ITGA1: variants seen among roughly 807,000 people sequenced by gnomAD.
The protein encoded by ITGA1 is integrin alpha-1.
A neutral mutation model predicts 145.9 loss-of-function variants in ITGA1; 85 were observed. The ratio of observed to expected loss-of-function variants is 0.58; its 90% CI spans 0.49 to 0.70. The LOEUF (loss-of-function observed/expected upper bound fraction) is 0.70. Among genes scored for constraint, ITGA1 ranks in the 30% least tolerant of loss-of-function variants. The pLI, the probability that ITGA1 is intolerant of heterozygous loss-of-function variation, is 0.00. For missense variants in ITGA1, 1,351 were observed against 1,418.7 expected (o/e 0.95, Z 0.77); for synonymous variants, 520 against 495.3 (o/e 1.05, Z -0.66).
At chr5:52,863,913 T>C (rs1365215599) in intron 3 of ITGA1, 2 of 152,254 alleles carry the variant, frequency 1.3e-5, no homozygotes, top group Non-Finnish European at 2.9e-5. Flanking sequence ...ACAAAGGCCA[T>C]TGCGCAGATC....
At chr5:52,829,073 T>C (rs1259667858) in intron 1 of ITGA1, among the ~76,000 whole-genome samples, 1 of 152,202 alleles carries the variant, frequency 6.6e-6, no homozygotes, top group Non-Finnish European at 1.5e-5. Context: ...TAAATACTTC[T>C]GTAAAGAACC....
intron 6 of ITGA1, among the ~76,000 whole-genome samples, chr5:52,872,593 T>TTTTTTC (rs1749794767): frequency 6.7e-6 from 1 of 148,906 alleles, no homozygotes; most frequent in Admixed American, 6.8e-5. Context: ...TTTTTTTTTT[T>TTTTTTC]GTGGGTGGAG....
chr5:52,794,465 A>G (rs1333458998), intron 1 of ITGA1, among the ~76,000 whole-genome samples: 1 of 150,830 alleles, frequency 6.6e-6, no homozygotes, highest in African/African-American at 2.4e-5. Flanking sequence ...TGGTGAAATG[A>G]TCTTATGCCG....
intron 1 of ITGA1, among the ~76,000 whole-genome samples, chr5:52,843,587 C>T (rs1749289307): frequency 6.6e-6 from 1 of 152,206 alleles, no homozygotes; most frequent in Non-Finnish European, 1.5e-5. Context: ...AATCTGTCAA[C>T]AGCCTCTGTC....
chr5:52,829,580 T>C (rs896029000), intron 1 of ITGA1, among the ~76,000 whole-genome samples: 1 of 152,102 alleles, frequency 6.6e-6, no homozygotes, highest in Non-Finnish European at 1.5e-5. Context: ...AGGGGACTTA[T>C]ATAAAAAAGA....
intron 1 of ITGA1, among the ~76,000 whole-genome samples, chr5:52,810,785 CT>C (rs1275514186): frequency 2.6e-5 from 4 of 151,984 alleles, no homozygotes; most frequent in African/African-American, 7.3e-5. Flanking sequence ...CAAATTTTTC[CT>C]GTCTTTCTGG....
intron 1 of ITGA1, among the ~76,000 whole-genome samples, chr5:52,825,495 G>A (rs866728701): frequency 6.6e-6 from 1 of 152,170 alleles, no homozygotes; most frequent in African/African-American, 2.4e-5. Context: ...GTGGTGCCAG[G>A]AACTGTGCCT....
intron 2 of ITGA1, among the ~76,000 whole-genome samples, chr5:52,860,757 T>C (rs959075565): frequency 8.5e-5 from 13 of 152,216 alleles, no homozygotes; most frequent in African/African-American, 3.1e-4. Context: ...GAAGATATCA[T>C]GGGAGACTTA....
At chr5:52,879,699 G>A (rs1749924521) in intron 6 of ITGA1, among the ~76,000 whole-genome samples, 1 of 152,074 alleles carries the variant, frequency 6.6e-6, no homozygotes, top group Non-Finnish European at 1.5e-5. Flanking sequence ...TAATTAGTTG[G>A]CTGTATCCTA....
chr5:52,908,611 T>A (rs533622724), intron 12 of ITGA1, among the ~76,000 whole-genome samples: 2 of 152,354 alleles, frequency 1.3e-5, no homozygotes, highest in East Asian at 3.9e-4. Context: ...TTCTGATTTG[T>A]GGAGAAGAAA....
intron 6 of ITGA1, among the ~76,000 whole-genome samples, chr5:52,875,074 G>C (rs887909765): frequency 6.6e-6 from 1 of 152,154 alleles, no homozygotes; most frequent in African/African-American, 2.4e-5. Flanking sequence ...AGAACAAGTA[G>C]GGATAGGAGT....
Position 52,898,257 on chromosome 5 carries a change from G to A in ITGA1, c.1183G>A (p.Ala395Thr), listed in dbSNP as rs766954523. Residue 395 changes from alanine to threonine, a missense_variant, in exon 11 of 29, where the codon GCA (alanine) becomes ACA (threonine). Coordinates refer to ENST00000282588, the MANE Select transcript of ITGA1 (RefSeq NM_181501.2). ...HYSQDWVMLG[A>T]VGAYDWNGTV... The stretch of plus-strand genomic sequence containing the variant: ...ATGTAAGGACTGGGTCATGCTTGGA[G>A]CAGTAGGAGCCTATGATTGGAATGG... 12 of 1,595,220 alleles carry A rather than the reference G, an allele frequency of 7.5e-6. 1 individual carries two copies. Among genetic ancestry groups the A allele is most frequent in the Middle Eastern group, 1.7e-4 (1 of 5,988 alleles).
At chr5:52,915,082 C>T (rs548549477) in intron 14 of ITGA1, among the ~76,000 whole-genome samples, 1 of 152,284 alleles carries the variant, frequency 6.6e-6, no homozygotes, top group African/African-American at 2.4e-5. Context: ...ACTCCCCTCC[C>T]CCCTTTGCTG....
rs573811011 is a variant in ITGA1 at position 52,922,863 on chromosome 5, T to C, written c.2379T>C (p.Ser793=). 255 of 1,604,752 alleles carry C rather than the reference T, an allele frequency of 1.6e-4. 2 individuals carry two copies. The South Asian group carries it at 2.7e-3, about 17-fold the overall frequency. The change falls in exon 18 of 29, where the codon TCT becomes TCC. Residue 793 remains serine (S), a synonymous_variant. Coordinates refer to ENST00000282588, the MANE Select transcript of ITGA1 (RefSeq NM_181501.2). ...AAAATGGGCCTGTTCTTGATGATTC[T>C]CTACCAAACTCAGTACATGAATATG... ...DPENGPVLDD[S]LPNSVHEYIP...
rs1349349500 is a variant in ITGA1 at position 52,911,942 on chromosome 5, A to ATACTATATATACTATATATAGTGTATC, written c.1857+1541_1857+1567dup. 8.0e-5 allele frequency among the ~76,000 whole-genome samples: 8 copies of ATACTATATATACTATATATAGTGTATC among 100,016 alleles called. 1 individual carries two copies. Among genetic ancestry groups the ATACTATATATACTATATATAGTGTATC allele is most frequent in the African/African-American group, 3.3e-4 (8 of 23,916 alleles). 65.6% of individuals were successfully genotyped at this position (100,016 alleles called of 152,430 possible). A position where few individuals can be genotyped will look rare whatever the true frequency, so the allele number is the denominator to read the frequency against. ...TATATATATAGTGTATCTACTATAT[A>ATACTATATATACTATATATAGTGTATC]TACTATATATACTATATATAGTGTA... On this transcript the variant is annotated intron_variant, in intron 14 of 28. Coordinates refer to ENST00000282588, the MANE Select transcript of ITGA1 (RefSeq NM_181501.2).
intron 19 of ITGA1, among the ~76,000 whole-genome samples, chr5:52,926,707 G>A (rs1750816827): frequency 6.6e-6 from 1 of 151,996 alleles, no homozygotes; most frequent in African/African-American, 2.4e-5. Context: ...ATTATTGCCT[G>A]TATCCTCCTA....
At chr5:52,825,325 T>C in intron 1 of ITGA1, 1 of 152,234 alleles carries the variant, frequency 6.6e-6, no homozygotes, top group East Asian at 1.9e-4. Flanking sequence ...TTGTGCTTCA[T>C]AGATACTGCG....
chr5:52,928,309 T>C (rs951834806), intron 20 of ITGA1, among the ~76,000 whole-genome samples: 6 of 152,182 alleles, frequency 3.9e-5, no homozygotes, highest in African/African-American at 1.4e-4. Context: ...TGGAGTCTCC[T>C]AGGTAGTAGG....
intron 7 of ITGA1, 137 bp from the exon 8 acceptor site, chr5:52,887,678 G>C: frequency 1.4e-6 from 1 of 694,762 alleles, no homozygotes; most frequent in Non-Finnish European, 2.3e-6. Context: ...CTCCCAACTT[G>C]AATGATGGGC....
Sources: allele counts gnomAD v4.1 joint callset (sites outside exome capture counted in the v4.1 genomes callset), GRCh38; gene constraint gnomAD v4.1.1; transcripts MANE v1.5; gene names NCBI Gene and HGNC (gene_info 2026-07-23, HGNC 2026-07-21).